SNX13: variants seen among roughly 807,000 people sequenced by gnomAD.
SNX13 encodes the protein sorting nexin 13.
SNX13 carries 45 observed loss-of-function variants against 133.6 expected under a neutral mutation model. That is an observed-to-expected ratio of 0.34 (90% CI 0.27 to 0.43). SNX13 has a LOEUF of 0.43. Among genes scored for constraint, SNX13 ranks in the 20% least tolerant of loss-of-function variants. The pLI is 1.00. For missense variants in SNX13, 1,032 were observed against 1,145.1 expected (o/e 0.90, Z 1.43); for synonymous variants, 414 against 373.9 (o/e 1.11, Z -1.24).
intron 9 of SNX13, among the ~76,000 whole-genome samples, chr7:17,855,138 C>T (rs1478645875): frequency 3.3e-5 from 5 of 152,190 alleles, no homozygotes; most frequent in Non-Finnish European, 7.3e-5. Flanking sequence ...TGTCCAAAGC[C>T]TATTCCAGAG....
intron 18 of SNX13, among the ~76,000 whole-genome samples, chr7:17,820,374 T>C (rs1339608385): frequency 6.6e-6 from 1 of 152,130 alleles, no homozygotes; most frequent in Non-Finnish European, 1.5e-5. Context: ...GGTAATATTT[T>C]AAAAAGTAAA....
rs1417195267 is a variant in SNX13 at position 17,796,858 on chromosome 7, T to C, written c.2595A>G (p.Ala865=). The C allele has an allele frequency of 6.2e-7, 1 of 1,610,938 alleles. No individual in the cohort carries two copies. Among genetic ancestry groups the C allele is most frequent in the Non-Finnish European group, 8.5e-7 (1 of 1,178,056 alleles). ...DKSIRMRTRV[A]GKTKLLAIMP... is the part of the protein sequence containing the mutation. ...TAATTGCAAGTAATTTCGTTTTTCC[T>C]GCTACTCTTGTTCTCATTCGAATAC... The change falls in exon 25 of 26, where the codon GCA becomes GCG. Residue 865 remains alanine (A), a synonymous_variant. Transcript: ENST00000428135.
At chr7:17,919,816 G>C (rs963469961) in intron 1 of SNX13, among the ~76,000 whole-genome samples, 9 of 152,230 alleles carry the variant, frequency 5.9e-5, no homozygotes, top group African/African-American at 2.2e-4. Flanking sequence ...TTATAAAAAT[G>C]TATGTCACTC....
chr7:17,901,326 G>A (rs1797809725), intron 1 of SNX13, among the ~76,000 whole-genome samples: 1 of 152,152 alleles, frequency 6.6e-6, no homozygotes, highest in Non-Finnish European at 1.5e-5. Flanking sequence ...CGCCCCAGCT[G>A]GTGTCTCACT....
At chr7:17,919,391 A>G (rs1799888726) in intron 1 of SNX13, among the ~76,000 whole-genome samples, 1 of 152,176 alleles carries the variant, frequency 6.6e-6, no homozygotes. Flanking sequence ...TTTCCTCAGA[A>G]AGCAGCTTCG....
chr7:17,940,244 C>T, intron 1 of SNX13, 40 bp downstream of exon 1: 1 of 1,553,718 alleles, frequency 6.4e-7, no homozygotes, highest in Non-Finnish European at 8.7e-7. Context: ...CGGCCCCTTC[C>T]CCATTTCACA....
At chr7:17,919,374 C>T (rs1427093527) in intron 1 of SNX13, among the ~76,000 whole-genome samples, 1 of 152,064 alleles carries the variant, frequency 6.6e-6, no homozygotes, top group Non-Finnish European at 1.5e-5. Context: ...CAAATAAAAG[C>T]CAAAATTTTC....
chr7:17,798,548 T>G (rs916770781), intron 24 of SNX13, 142 bp downstream of exon 24: 4 of 604,224 alleles, frequency 6.6e-6, no homozygotes, highest in Non-Finnish European at 1.2e-5. Flanking sequence ...TTTAGTATAA[T>G]TCTTAGAAGT....
intron 13 of SNX13, among the ~76,000 whole-genome samples, chr7:17,839,467 TA>T (rs1421273238): frequency 3.2e-4 from 48 of 151,948 alleles, no homozygotes; most frequent in African/African-American, 1.1e-3. Flanking sequence ...TACATACATT[TA>T]AACATATATA....
At chr7:17,886,394 C>A (rs1393395441) in intron 5 of SNX13, among the ~76,000 whole-genome samples, 1 of 151,960 alleles carries the variant, frequency 6.6e-6, no homozygotes, top group Non-Finnish European at 1.5e-5. Flanking sequence ...ATGGTGAAAC[C>A]CCGTCTCTAC....
intron 9 of SNX13, 131 bp downstream of exon 9, chr7:17,868,276 G>C: frequency 1.5e-6 from 1 of 678,904 alleles, no homozygotes; most frequent in South Asian, 2.0e-5. Context: ...TGGAAACACA[G>C]AGATTACTTC....
intron 21 of SNX13, among the ~76,000 whole-genome samples, chr7:17,802,315 T>C (rs1162900009): frequency 1.3e-5 from 2 of 152,080 alleles, no homozygotes; most frequent in African/African-American, 4.8e-5. Context: ...CTGTAGTTAG[T>C]AGTACTGCCA....
At chr7:17,920,809 T>C (rs944709303) in intron 1 of SNX13, among the ~76,000 whole-genome samples, 1 of 152,228 alleles carries the variant, frequency 6.6e-6, no homozygotes, top group Non-Finnish European at 1.5e-5. Context: ...TCTAAGTCTA[T>C]ATCATTTCTT....
At chr7:17,886,705 A>G (rs1796033466) in intron 5 of SNX13, among the ~76,000 whole-genome samples, 1 of 152,194 alleles carries the variant, frequency 6.6e-6, no homozygotes, top group African/African-American at 2.4e-5. Context: ...GTTGCTTGTT[A>G]TAGTTTCTAC....
chr7:17,870,252 T>C (rs1244161289), intron 8 of SNX13, among the ~76,000 whole-genome samples: 2 of 152,134 alleles, frequency 1.3e-5, no homozygotes, highest in Admixed American at 6.5e-5. Flanking sequence ...GTAGAGGCAA[T>C]TAAATAGCAA....
chr7:17,830,656 G>A (rs1788386642), intron 15 of SNX13: 1 of 982,972 alleles, frequency 1.0e-6, no homozygotes, highest in Non-Finnish European at 1.2e-6. Flanking sequence ...TAATGTGAGA[G>A]AATAAGTCAA....
At chr7:17,821,455 C>G in intron 18 of SNX13, 54 bp downstream of exon 18, 1 of 1,494,708 alleles carries the variant, frequency 6.7e-7, no homozygotes, top group Non-Finnish European at 9.0e-7. Context: ...GATTTATAAT[C>G]AAAATCAAAT....
intron 1 of SNX13, among the ~76,000 whole-genome samples, chr7:17,929,006 T>C (rs1347968793): frequency 7.3e-6 from 1 of 137,614 alleles, no homozygotes; most frequent in Admixed American, 7.4e-5. Context: ...CTATAAAGTA[T>C]AACAAAAAAT....
At chr7:17,938,572 G>A (rs558001637) in intron 1 of SNX13, among the ~76,000 whole-genome samples, 1 of 152,192 alleles carries the variant, frequency 6.6e-6, no homozygotes, top group Non-Finnish European at 1.5e-5. Context: ...GTTGTGCAGT[G>A]TTCACACAAA....
Sources: allele counts gnomAD v4.1 joint callset (sites outside exome capture counted in the v4.1 genomes callset), GRCh38; gene constraint gnomAD v4.1.1; transcripts MANE v1.5; gene names NCBI Gene and HGNC (gene_info 2026-07-23, HGNC 2026-07-21).